The following CPAMD8 variants were observed in gnomAD, a reference collection of about 807,000 sequenced individuals.
CPAMD8 encodes C3 and PZP like alpha-2-macroglobulin domain containing 8.
A neutral mutation model predicts 224.7 loss-of-function variants in CPAMD8; 146 were observed. That is an observed-to-expected ratio of 0.65 (90% confidence interval 0.57 to 0.75). The LOEUF (loss-of-function observed/expected upper bound fraction) is 0.75, where lower values mean the gene tolerates loss of function less well. Among genes scored for constraint, CPAMD8 ranks in the 30% least tolerant of loss-of-function variants. The pLI is 0.00. For missense variants in CPAMD8, 2,301 were observed against 2,537.5 expected, an observed-to-expected ratio of 0.91 and a Z score of 2.00; for synonymous variants, 966 against 1,044.6, an observed-to-expected ratio of 0.92 and a Z score of 1.45.
intron 3 of CPAMD8, among the ~76,000 whole-genome samples, chr19:17,014,873 C>T (rs1389344826): frequency 1.3e-5 from 2 of 152,346 alleles, no homozygotes; most frequent in East Asian, 3.9e-4. Context: ...TCTCAGCCAT[C>T]CCTGGGCACC....
At position 16,975,128 on chromosome 19, in the gene CPAMD8, C is replaced by T. The variant is rs2055212326; in HGVS notation, c.2039G>A (p.Gly680Asp). 6.2e-7 allele frequency: 1 copy of T among 1,612,692 alleles called. No individual in the cohort carries two copies. The highest frequency in any genetic ancestry group is 8.5e-7 in the Non-Finnish European group (1 of 1,179,706). ...RRSSVFPWPW[G>D]ITKDSGFAFT... ...GGCAAACCCAGAGTCCTTGGTGATG[C>T]CCCAAGGCCACGGGAAGACAGAGGA... Residue 680 changes from glycine to aspartate, a missense_variant, in exon 17 of 42, where the codon GGC becomes GAC. By Grantham distance (94) the Gly-to-Asp change is moderately conservative. Coordinates refer to ENST00000443236, the MANE Select transcript of CPAMD8 (RefSeq NM_015692.5).
At chr19:16,907,330 G>A in intron 29 of CPAMD8, 1 of 202,448 alleles carries the variant, frequency 4.9e-6, no homozygotes, top group Non-Finnish European at 7.3e-6. Context: ...TTTTTTTTTT[G>A]GTAATAGGCT....
intron 27 of CPAMD8, among the ~76,000 whole-genome samples, chr19:16,916,931 C>T (rs1258991691): frequency 1.3e-5 from 2 of 152,060 alleles, no homozygotes; most frequent in African/African-American, 4.8e-5. Context: ...ACACTGCAAC[C>T]AGGGGGAAAC....
intron 21 of CPAMD8, among the ~76,000 whole-genome samples, chr19:16,945,918 C>T (rs62125969): frequency 0.076 from 11,544 of 151,922 alleles, 591 homozygotes; most frequent in Non-Finnish European, 0.11. Context: ...TTTGTGTGTA[C>T]GAGTTTGTGC....
At chr19:17,011,060 G>A (rs542920684) in intron 5 of CPAMD8, among the ~76,000 whole-genome samples, 57 of 152,132 alleles carry the variant, frequency 3.7e-4, no homozygotes, top group Non-Finnish European at 6.8e-4. Flanking sequence ...CGGGCGTGGT[G>A]GTGGGCACCT....
intron 12 of CPAMD8, among the ~76,000 whole-genome samples, chr19:16,992,338 C>T (rs913187941): frequency 3.9e-5 from 6 of 152,148 alleles, no homozygotes; most frequent in Non-Finnish European, 5.9e-5. Flanking sequence ...GCCTATAATC[C>T]CTATGCTTTG....
rs189890295 is a variant in CPAMD8, at chr19:17,016,104, C to T, written c.267+4227G>A. Among the ~76,000 whole-genome samples the T allele has an allele frequency of 9.9e-5, 15 of 152,194 alleles. No homozygotes were observed. In the East Asian group the frequency reaches 1.5e-3, roughly 16 times the overall value. On this transcript the variant is annotated intron_variant, in intron 3 of 41. Transcript: ENST00000443236. ...GACTACAGGTGCAGGCCACCATGCC[C>T]GGCTAATTTTTTATTTTCAGTTTGT... is the stretch of plus-strand genomic sequence containing the variant.
rs550498047 is a variant in CPAMD8, at chr19:17,015,425, T to C, written c.268-3668A>G. Reference sequence around the variant, plus strand: ...TGATCATCACAGTTCTGCACTGTCATGACCATTGTGTGGGTGAGGTCGGGG... The same window carrying C: ...TGATCATCACAGTTCTGCACTGTCACGACCATTGTGTGGGTGAGGTCGGGG... On this transcript the variant is annotated intron_variant, in intron 3 of 41. Transcript: ENST00000443236. 3.3e-5 allele frequency among the ~76,000 whole-genome samples: 5 copies of C among 152,208 alleles called. No individual in the cohort carries two copies. The East Asian group carries it at 9.7e-4, about 29-fold the overall frequency.
chr19:16,964,898 C>T (rs1055722608), intron 18 of CPAMD8, among the ~76,000 whole-genome samples: 31 of 152,142 alleles, frequency 2.0e-4, no homozygotes, highest in African/African-American at 7.2e-4. Context: ...GTACACAAAT[C>T]AATAAACGAA....
intron 22 of CPAMD8, among the ~76,000 whole-genome samples, chr19:16,944,436 C>T (rs896226094): frequency 2.6e-5 from 4 of 152,140 alleles, no homozygotes; most frequent in African/African-American, 7.2e-5. Context: ...CCTCAAGAGT[C>T]CCCCTGTGTG....
At chr19:16,999,585 CA>C (rs1200333256) in intron 10 of CPAMD8, among the ~76,000 whole-genome samples, 362 of 126,952 alleles carry the variant, frequency 2.9e-3, no homozygotes, top group African/African-American at 6.4e-3. Flanking sequence ...ACTCCATCTC[CA>C]AAAAAAAAAA....
Position 16,893,254 on chromosome 19 carries a change from G to T in CPAMD8, c.5512C>A (p.Gln1838Lys). 1 of 1,571,800 alleles carries T rather than the reference G, an allele frequency of 6.4e-7. No homozygotes were observed. The highest frequency in any genetic ancestry group is 8.6e-7 in the Non-Finnish European group (1 of 1,157,634). ...QSASPFHRWG[Q>K]TPAPQRHSGR... ...CTATGTCTCTGAGGGGCCGGAGTCT[G>T]GCCCCATCTGTGGAACGGGCTGGCG... Residue 1838 changes from glutamine (Q) to lysine (K), a missense_variant, in exon 42 of 42, where the codon CAG becomes AAG. Around this residue, in one of 4 missense-constraint regions of CPAMD8, gnomAD observed 1,709 missense variants for 1,753.2 expected, o/e 0.97. Coordinates refer to ENST00000443236, the MANE Select transcript of CPAMD8 (RefSeq NM_015692.5).
At chr19:16,996,720 G>A (rs1338837108) in intron 11 of CPAMD8, among the ~76,000 whole-genome samples, 4 of 151,262 alleles carry the variant, frequency 2.6e-5, no homozygotes, top group African/African-American at 9.7e-5. Context: ...TTGGGAGGCT[G>A]AGGCAGGAGA....
chr19:16,974,618 C>A (rs1482096335), intron 17 of CPAMD8, among the ~76,000 whole-genome samples: 3 of 151,982 alleles, frequency 2.0e-5, no homozygotes, highest in African/African-American at 7.2e-5. Context: ...CTCTCCACGG[C>A]TTTGCAAATT....
Position 16,928,197 on chromosome 19 carries a change from A to G in CPAMD8, c.3182T>C (p.Ile1061Thr), listed in dbSNP as rs754811218. The G allele has an allele frequency of 1.2e-5, 20 of 1,613,998 alleles. No individual in the cohort carries two copies. Among genetic ancestry groups the G allele is most frequent in the South Asian group, 2.2e-5 (2 of 91,088 alleles). Residue 1061 changes from isoleucine to threonine, a missense_variant, in exon 25 of 42, where the codon ATT becomes ACT. Physicochemically the swap from Ile to Thr is moderately conservative, Grantham distance 89. Transcript: ENST00000443236. ...HGPEPSNESV[I>T]VAWTLPRPPE... ...TGGCCTCGGGAGGGTCCAGGCCACA[A>G]TGACAGACTCATTGGATGGCTCTGG...
intron 3 of CPAMD8, among the ~76,000 whole-genome samples, chr19:17,015,765 C>T (rs1426942631): frequency 6.6e-6 from 1 of 152,150 alleles, no homozygotes; most frequent in Non-Finnish European, 1.5e-5. Context: ...CAAGGATGGG[C>T]AGGAGGGAGA....
At chr19:16,945,350 C>G (rs1014278172) in intron 22 of CPAMD8, among the ~76,000 whole-genome samples, 199 bp downstream of exon 22, 10 of 152,176 alleles carry the variant, frequency 6.6e-5, no homozygotes, top group Admixed American at 2.6e-4. Flanking sequence ...CCACTCTGCG[C>G]TTTAGGGAGG....
chr19:17,025,368 T>G (rs765359366), intron 1 of CPAMD8, among the ~76,000 whole-genome samples: 6 of 152,144 alleles, frequency 3.9e-5, no homozygotes, highest in Non-Finnish European at 5.9e-5. Context: ...GCCAAGATCG[T>G]GCCATTGCAC....
rs759887801 is a variant in CPAMD8 at position 16,983,100 on chromosome 19, A to C, written c.1396-2414T>G. On this transcript the variant is annotated intron_variant, in intron 13 of 41. Transcript: ENST00000443236. ...CCTCCCCAGCCACGTGGAACTGTGA[A>C]TCCATTAAACCTCTTTTTCTGGCTG... 2.0e-3 allele frequency among the ~76,000 whole-genome samples: 301 copies of C among 152,160 alleles called. 2 individuals are homozygous for C. The highest frequency in any genetic ancestry group is 3.9e-3 in the Non-Finnish European group (265 of 68,004).
Sources: gnomAD v4.1 joint callset for allele counts (sites outside exome capture counted in the v4.1 genomes callset) on GRCh38, gnomAD v4.1.1 for gene constraint, gnomAD v4.1.1 regional missense constraint, MANE v1.5 for transcripts, NCBI Gene and HGNC (gene_info 2026-07-23, HGNC 2026-07-21) for gene names.